The following GAB1 variants were observed in gnomAD, a reference collection of about 807,000 sequenced individuals.
The protein encoded by GAB1 is GRB2-associated-binding protein 1.
A neutral mutation model predicts 66.5 loss-of-function variants in GAB1; 19 were observed. The observed-to-expected ratio is 0.29, with a 90% CI of 0.20 to 0.42. The LOEUF is 0.42. Among genes scored for constraint, GAB1 ranks in the 10% least tolerant of loss-of-function variants. The pLI, the probability that GAB1 is intolerant of heterozygous loss-of-function variation, is 1.00. For missense variants in GAB1, 732 were observed against 858.5 expected (o/e 0.85, Z 1.84); for synonymous variants, 294 against 301.4 (o/e 0.98, Z 0.25).
Position 143,469,892 on chromosome 4 carries a change from T to TA in GAB1, c.*704dup, listed in dbSNP as rs1348663382. On this transcript the variant is annotated 3_prime_UTR_variant, in exon 10 of 10. Coordinates refer to ENST00000262994, the MANE Select transcript of GAB1 (RefSeq NM_002039.4). Reference sequence around the variant, plus strand: ...TTGCACCTTTGAAAGACTGAATAATTACACTACCAAGTAAGCCTGCAAATC... The same window carrying TA: ...TTGCACCTTTGAAAGACTGAATAATTAACACTACCAAGTAAGCCTGCAAATC... 1.3e-5 allele frequency: 2 copies of TA among 152,700 alleles called. No individual in the cohort carries two copies. The highest frequency in any genetic ancestry group is 1.5e-5 in the Non-Finnish European group (1 of 68,094). The allele number at this position is 152,700 out of a possible 1,614,324, so 9.5% of individuals were successfully genotyped here.
intron 6 of GAB1, among the ~76,000 whole-genome samples, chr4:143,449,423 C>T (rs1734770712): frequency 2.6e-5 from 4 of 151,788 alleles, no homozygotes; most frequent in Admixed American, 2.6e-4. Flanking sequence ...GTGTGGGAGT[C>T]TAAGTCTCTT....
chr4:143,410,315 A>C (rs1390596040), intron 1 of GAB1, among the ~76,000 whole-genome samples: 1 of 152,232 alleles, frequency 6.6e-6, no homozygotes, highest in Non-Finnish European at 1.5e-5. Context: ...GTTTTTCTTT[A>C]AAGCTGAAGC....
intron 1 of GAB1, among the ~76,000 whole-genome samples, chr4:143,351,201 A>G (rs1729204104): frequency 6.6e-6 from 1 of 152,162 alleles, no homozygotes; most frequent in Non-Finnish European, 1.5e-5. Context: ...TCTGTATCCC[A>G]GTGTTTCTTG....
At chr4:143,434,060 C>A (rs954014996) in intron 3 of GAB1, 12 of 1,170,458 alleles carry the variant, frequency 1.0e-5, no homozygotes, top group African/African-American at 1.6e-5. Flanking sequence ...GGTGATCTTG[C>A]TCCATTTCTT....
intron 1 of GAB1, among the ~76,000 whole-genome samples, chr4:143,393,396 C>T (rs943485605): frequency 2.0e-4 from 31 of 152,194 alleles, no homozygotes; most frequent in African/African-American, 5.8e-4. Flanking sequence ...TGGGTGAGGC[C>T]AGACTACTAG....
intron 1 of GAB1, among the ~76,000 whole-genome samples, chr4:143,394,223 G>A (rs1731325112): frequency 6.6e-6 from 1 of 152,100 alleles, no homozygotes; most frequent in South Asian, 2.1e-4. Context: ...GCAGTGAGCC[G>A]AGATCGTGCT....
At chr4:143,414,263 TA>T (rs1236496323) in intron 1 of GAB1, among the ~76,000 whole-genome samples, 1 of 151,918 alleles carries the variant, frequency 6.6e-6, no homozygotes, top group African/African-American at 2.4e-5. Context: ...CAAAGAGGAG[TA>T]AGGTGTAAGT....
At chr4:143,365,877 G>A (rs1423543309) in intron 1 of GAB1, among the ~76,000 whole-genome samples, 2 of 152,134 alleles carry the variant, frequency 1.3e-5, no homozygotes, top group Non-Finnish European at 2.9e-5. Flanking sequence ...CTCCTGTCAG[G>A]CTTTTATTCA....
At chr4:143,460,983 C>G (rs563264358) in intron 8 of GAB1, among the ~76,000 whole-genome samples, 228 of 152,090 alleles carry the variant, frequency 1.5e-3, no homozygotes, top group African/African-American at 5.1e-3. Context: ...AGTAATATAC[C>G]TTTAGATAGG....
In GAB1 at chr4:143,444,118, T is replaced by C. The variant is rs1406244048; in HGVS notation, c.1585+3736T>C. Among the ~76,000 whole-genome samples, 6 of 152,212 alleles carry C rather than the reference T, an allele frequency of 3.9e-5. No individual in the cohort carries two copies. The East Asian group carries it at 1.2e-3, about 29-fold the overall frequency. On this transcript the variant is annotated intron_variant, in intron 6 of 9. Coordinates refer to ENST00000262994, the MANE Select transcript of GAB1 (RefSeq NM_002039.4). The stretch of plus-strand genomic sequence containing the variant: ...TTGACCTCTTCAATTGAAAATTTTA[T>C]ATTTCTGATGGAAAGGGAGTTTTGT...
intron 6 of GAB1, among the ~76,000 whole-genome samples, chr4:143,447,714 A>G (rs1440784427): frequency 2.0e-5 from 3 of 152,174 alleles, no homozygotes; most frequent in African/African-American, 7.2e-5. Flanking sequence ...TTCTAGATAT[A>G]CAATCATGTC....
chr4:143,420,894 A>AT (rs967000887), intron 2 of GAB1, among the ~76,000 whole-genome samples: 4 of 152,004 alleles, frequency 2.6e-5, no homozygotes, highest in African/African-American at 9.7e-5. Flanking sequence ...ACTTTTTAAA[A>AT]TTTCTTTTTA....
chr4:143,465,659 T>TA (rs1395900008), intron 8 of GAB1, among the ~76,000 whole-genome samples: 1 of 152,156 alleles, frequency 6.6e-6, no homozygotes, highest in Non-Finnish European at 1.5e-5. Context: ...AATTAGGTGG[T>TA]AAAAAATCCA....
At chr4:143,456,372 G>A (rs1038444865) in intron 6 of GAB1, among the ~76,000 whole-genome samples, 14 of 151,922 alleles carry the variant, frequency 9.2e-5, no homozygotes, top group African/African-American at 3.4e-4. Context: ...CAGGAGAATG[G>A]CATGAGCCTG....
intron 2 of GAB1, among the ~76,000 whole-genome samples, chr4:143,426,282 C>T (rs1733352287): frequency 1.3e-5 from 2 of 152,178 alleles, no homozygotes; most frequent in Admixed American, 6.5e-5. Context: ...TCTGACTTGA[C>T]ACAAAGTCTG....
intron 6 of GAB1, among the ~76,000 whole-genome samples, chr4:143,457,132 G>GC (rs1735231039): frequency 6.6e-6 from 1 of 152,186 alleles, no homozygotes. Context: ...GTGGCAACTT[G>GC]CTTCTCTAGA....
At chr4:143,400,710 G>A (rs1731725026) in intron 1 of GAB1, among the ~76,000 whole-genome samples, 1 of 152,158 alleles carries the variant, frequency 6.6e-6, no homozygotes, top group South Asian at 2.1e-4. Context: ...GCTCACGTCT[G>A]TAATCCCAGC....
In GAB1 at chr4:143,438,002, G is replaced by T. The variant is rs368430613; in HGVS notation, c.597G>T (p.Thr199=). Reference sequence around the variant, plus strand: ...GTCATTAACAATTTTTATTTAGAACGCATGCTGATTCTGCAAAATCCACCT... The same window carrying T: ...GTCATTAACAATTTTTATTTAGAACTCATGCTGATTCTGCAAAATCCACCT... ...CQSKKPEPTR[T]HADSAKSTSS... is the part of the protein sequence containing the mutation. Residue 199 remains threonine, a synonymous_variant, in exon 4 of 10, where the codon ACG becomes ACT. Coordinates refer to ENST00000262994, the MANE Select transcript of GAB1 (RefSeq NM_002039.4). 1.9e-6 allele frequency: 3 copies of T among 1,609,258 alleles called. No homozygotes were observed. Among genetic ancestry groups the T allele is most frequent in the African/African-American group, 1.3e-5 (1 of 74,684 alleles).
At position 143,337,155 on chromosome 4, in the gene GAB1, AG is replaced by A. The variant is rs752462526; in HGVS notation, c.-33del. ...GTCGGGAGCGCGCCCGCCGCCCCTC[AG>A]CTGCCCGGCCCGGAGCCCGAGACGC... On this transcript the variant is annotated 5_prime_UTR_variant, in exon 1 of 10. Transcript: ENST00000262994. 1.7e-5 allele frequency: 26 copies of A among 1,551,982 alleles called. No homozygotes were observed. In the South Asian group the frequency reaches 3.1e-4, roughly 18 times the overall value.
Sources: allele counts gnomAD v4.1 joint callset (sites outside exome capture counted in the v4.1 genomes callset), GRCh38; gene constraint gnomAD v4.1.1; transcripts MANE v1.5; gene names NCBI Gene and HGNC (gene_info 2026-07-23, HGNC 2026-07-21).